Variants in PHACTR1 observed in about 807,000 individuals in gnomAD.
PHACTR1 encodes the protein phosphatase and actin regulator 1.
PHACTR1 carries 16 observed loss-of-function variants against 69.2 expected under a neutral mutation model. The observed-to-expected ratio is 0.23, with a 90% confidence interval of 0.16 to 0.35. The LOEUF (loss-of-function observed/expected upper bound fraction) is 0.35, where lower values mean the gene tolerates loss of function less well. Among genes scored for constraint, PHACTR1 ranks in the 10% least tolerant of loss-of-function variants. The probability of loss-of-function intolerance (pLI) is 1.00; values close to 1 mark genes in which losing one functional copy is unlikely to be tolerated. For missense variants in PHACTR1, 510 were observed against 734.7 expected, an observed-to-expected ratio of 0.69 and a Z score of 3.54; for synonymous variants, 312 against 284.5, an observed-to-expected ratio of 1.10 and a Z score of -0.97.
intron 4 of PHACTR1, among the ~76,000 whole-genome samples, chr6:12,999,414 A>G (rs1271498670): frequency 6.6e-6 from 1 of 152,192 alleles, no homozygotes; most frequent in Non-Finnish European, 1.5e-5. Context: ...CCTGGCCAAG[A>G]TGGTGAAACC....
At chr6:13,234,156 G>A (rs756364816) in intron 10 of PHACTR1, among the ~76,000 whole-genome samples, 14 of 152,212 alleles carry the variant, frequency 9.2e-5, no homozygotes, top group Non-Finnish European at 1.0e-4. Flanking sequence ...TGAAGCCAGG[G>A]CAGAATGAAG....
intron 4 of PHACTR1, among the ~76,000 whole-genome samples, chr6:12,762,806 G>T (rs1404932456): frequency 6.6e-6 from 1 of 152,304 alleles, no homozygotes; most frequent in African/African-American, 2.4e-5. Context: ...ATCTATATAG[G>T]TCAGGTCCTT....
At chr6:12,957,948 A>G (rs1474915188) in intron 4 of PHACTR1, 2 of 985,224 alleles carry the variant, frequency 2.0e-6, no homozygotes, top group African/African-American at 3.5e-5. Context: ...CTGTTGCTCA[A>G]TTTAAGAAAG....
intron 4 of PHACTR1, among the ~76,000 whole-genome samples, chr6:12,969,331 T>G (rs907787779): frequency 7.9e-5 from 12 of 152,232 alleles, no homozygotes; most frequent in African/African-American, 2.9e-4. Flanking sequence ...AAGTGGCTAT[T>G]TCTGTGTTCC....
intron 4 of PHACTR1, among the ~76,000 whole-genome samples, chr6:12,823,143 G>A (rs1021148818): frequency 5.9e-5 from 9 of 152,264 alleles, no homozygotes; most frequent in South Asian, 2.1e-4. Context: ...CCTACCACCC[G>A]TGTAAACAGG....
chr6:13,139,805 CA>C (rs1393696711), intron 5 of PHACTR1, among the ~76,000 whole-genome samples: 1 of 152,060 alleles, frequency 6.6e-6, no homozygotes, highest in Non-Finnish European at 1.5e-5. Context: ...AATAAAACCA[CA>C]ATAATAAAAA....
chr6:12,924,412 A>G (rs1216698767), intron 4 of PHACTR1, among the ~76,000 whole-genome samples: 1 of 152,162 alleles, frequency 6.6e-6, no homozygotes, highest in East Asian at 1.9e-4. Context: ...ATTGACACTG[A>G]TTTGCCCATC....
chr6:13,107,668 A>G (rs1816387511), intron 5 of PHACTR1, among the ~76,000 whole-genome samples: 1 of 152,170 alleles, frequency 6.6e-6, no homozygotes, highest in African/African-American at 2.4e-5. Context: ...TGTTCACAAT[A>G]TTCCATTATT....
At chr6:12,831,913 A>AAC (rs2127729346) in intron 4 of PHACTR1, among the ~76,000 whole-genome samples, 1 of 152,250 alleles carries the variant, frequency 6.6e-6, no homozygotes. Context: ...GTGTGATCTG[A>AAC]ACACCCTCCT....
At chr6:12,944,729 C>T (rs1298282141) in intron 4 of PHACTR1, among the ~76,000 whole-genome samples, 1 of 151,654 alleles carries the variant, frequency 6.6e-6, no homozygotes, top group Non-Finnish European at 1.5e-5. Flanking sequence ...ATGAAAGGAG[C>T]GGTGAAGACG....
Position 13,133,101 on chromosome 6 carries a change from T to C in PHACTR1, c.416-27103T>C, listed in dbSNP as rs1331452719. ...CACAGCATCTTTATCAGAAGTAGAC[T>C]CCCATCTCAAGAAACTGCTTTCTTT... is the stretch of plus-strand genomic sequence containing the variant. On this transcript the variant is annotated intron_variant, in intron 5 of 14. Coordinates refer to ENST00000332995, the MANE Select transcript of PHACTR1 (RefSeq NM_030948.6). 2.0e-5 allele frequency among the ~76,000 whole-genome samples: 3 copies of C among 152,054 alleles called. No homozygotes were observed. The South Asian group carries it at 6.2e-4, about 32-fold the overall frequency.
chr6:12,776,537 T>C (rs1473892522), intron 4 of PHACTR1, among the ~76,000 whole-genome samples: 1 of 152,232 alleles, frequency 6.6e-6, no homozygotes, highest in Non-Finnish European at 1.5e-5. Context: ...ATTGGGCAGA[T>C]GTGAGCTCAG....
chr6:13,208,805 A>G (rs927720688), intron 8 of PHACTR1, among the ~76,000 whole-genome samples: 1 of 152,244 alleles, frequency 6.6e-6, no homozygotes, highest in African/African-American at 2.4e-5. Flanking sequence ...GACAAGTTTT[A>G]TAATATCTGT....
At chr6:12,871,662 C>T (rs560071291) in intron 4 of PHACTR1, among the ~76,000 whole-genome samples, 18 of 152,244 alleles carry the variant, frequency 1.2e-4, no homozygotes, top group African/African-American at 4.1e-4. Context: ...GGTCTGATTG[C>T]CCCCTGTTTG....
chr6:12,789,440 C>T lies in PHACTR1; in HGVS notation c.250+39650C>T, dbSNP rs571428771. ...GCCAGGTCCGTGGTTCTCTCATCTCCTCCATCCATACCAACTCCCTCAATG... is the reference window on the plus strand; with the variant it reads ...GCCAGGTCCGTGGTTCTCTCATCTCTTCCATCCATACCAACTCCCTCAATG... On this transcript the variant is annotated intron_variant, in intron 4 of 14. Coordinates refer to ENST00000332995, the MANE Select transcript of PHACTR1 (RefSeq NM_030948.6). 2.8e-3 allele frequency among the ~76,000 whole-genome samples: 419 copies of T among 152,194 alleles called. 2 individuals carry two copies. Among genetic ancestry groups the T allele is most frequent in the African/African-American group, 8.5e-3 (352 of 41,530 alleles).
Position 12,805,577 on chromosome 6 carries a change from T to TTCTC in PHACTR1, c.250+55795_250+55798dup, listed in dbSNP as rs771502790. ...CAACTTGAATGGCTTCTTTCTTTCT[T>TTCTC]TCTCTCTCTCTGTCTCTCTTTCTTT... is the stretch of plus-strand genomic sequence containing the variant. On this transcript the variant is annotated intron_variant, in intron 4 of 14. Transcript: ENST00000332995. Among the ~76,000 whole-genome samples the TTCTC allele has an allele frequency of 8.5e-3, 1,290 of 151,850 alleles. 7 individuals are homozygous for TTCTC. Among genetic ancestry groups the TTCTC allele is most frequent in the Non-Finnish European group, 0.013 (867 of 67,882 alleles).
intron 4 of PHACTR1, among the ~76,000 whole-genome samples, chr6:12,870,609 C>T (rs1438185839): frequency 4.0e-5 from 6 of 151,852 alleles, no homozygotes; most frequent in African/African-American, 9.7e-5. Context: ...TATAATTGCA[C>T]ATCTATAATT....
intron 5 of PHACTR1, among the ~76,000 whole-genome samples, chr6:13,138,319 T>C (rs1821872429): frequency 6.6e-6 from 1 of 152,188 alleles, no homozygotes; most frequent in Non-Finnish European, 1.5e-5. Flanking sequence ...AGAAGATACA[T>C]GTACATCTCA....
At chr6:12,821,984 C>T (rs1052465301) in intron 4 of PHACTR1, among the ~76,000 whole-genome samples, 1 of 152,112 alleles carries the variant, frequency 6.6e-6, no homozygotes, top group Non-Finnish European at 1.5e-5. Context: ...AATTGTAAGC[C>T]CCATGAGGAG....
Sources: allele counts gnomAD v4.1 joint callset (sites outside exome capture counted in the v4.1 genomes callset), GRCh38; gene constraint gnomAD v4.1.1; transcripts MANE v1.5; gene names NCBI Gene and HGNC (gene_info 2026-07-23, HGNC 2026-07-21).